The following NELL1 variants were observed in gnomAD, a reference collection of about 807,000 sequenced individuals.
The protein encoded by NELL1 is neural EGFL like 1, also known as protein kinase C-binding protein NELL1.
A neutral mutation model predicts 107.4 loss-of-function variants in NELL1; 76 were observed. That is an observed-to-expected ratio of 0.71 (90% CI 0.59 to 0.86). The LOEUF (loss-of-function observed/expected upper bound fraction) is 0.86. Among genes scored for constraint, NELL1 ranks in the 40% least tolerant of loss-of-function variants. The probability of loss-of-function intolerance (pLI) is 0.00; values close to 1 mark genes in which losing one functional copy is unlikely to be tolerated. For missense variants in NELL1, 1,024 were observed against 1,005.5 expected (o/e 1.02, Z -0.25); for synonymous variants, 353 against 341.2 (o/e 1.03, Z -0.38).
chr11:20,875,226 A>G (rs1370786103), intron 4 of NELL1, among the ~76,000 whole-genome samples: 5 of 151,962 alleles, frequency 3.3e-5, no homozygotes, highest in African/African-American at 1.2e-4. Context: ...TAGATCTCAC[A>G]TTCTGTTTTT....
chr11:21,510,646 G>T (rs935914848), intron 15 of NELL1, among the ~76,000 whole-genome samples: 1 of 152,228 alleles, frequency 6.6e-6, no homozygotes, highest in East Asian at 1.9e-4. Flanking sequence ...GCATGAAAAG[G>T]TATACCTGTG....
chr11:21,487,184 G>A lies in NELL1; in HGVS notation c.1646-47190G>A, dbSNP rs1030568094. Among the ~76,000 whole-genome samples, 6 of 152,202 alleles carry A rather than the reference G, an allele frequency of 3.9e-5. No homozygotes were observed. In the East Asian group the frequency reaches 1.2e-3, roughly 29 times the overall value. ...ACACATTATAGTCAAACTGTCTAAAGCCAAAGAAAAAGAGAGTTCTAAAAA... is the reference window on the plus strand; with the variant it reads ...ACACATTATAGTCAAACTGTCTAAAACCAAAGAAAAAGAGAGTTCTAAAAA... On this transcript the variant is annotated intron_variant, in intron 15 of 19. Coordinates refer to ENST00000357134, the MANE Select transcript of NELL1 (RefSeq NM_006157.5).
At chr11:20,980,120 C>T (rs966393983) in intron 12 of NELL1, among the ~76,000 whole-genome samples, 37 of 152,148 alleles carry the variant, frequency 2.4e-4, no homozygotes, top group African/African-American at 8.9e-4. Flanking sequence ...GACTTTCCTT[C>T]CTCTTTTCCT....
chr11:21,319,072 C>T (rs1488052302), intron 14 of NELL1, among the ~76,000 whole-genome samples: 1 of 151,880 alleles, frequency 6.6e-6, no homozygotes, highest in Non-Finnish European at 1.5e-5. Flanking sequence ...TATGATTCCT[C>T]AAATTAGAAT....
chr11:20,926,474 A>C (rs1200945046), intron 7 of NELL1, among the ~76,000 whole-genome samples: 1 of 152,172 alleles, frequency 6.6e-6, no homozygotes, highest in African/African-American at 2.4e-5. Context: ...CACAGCCAAA[A>C]CCATGAAAAA....
intron 15 of NELL1, among the ~76,000 whole-genome samples, chr11:21,450,458 G>A (rs761939017): frequency 3.9e-5 from 6 of 152,172 alleles, no homozygotes; most frequent in Non-Finnish European, 7.4e-5. Context: ...AGCTAGAGTT[G>A]TGATTTATGC....
chr11:20,672,221 T>C (rs79130134), intron 1 of NELL1, among the ~76,000 whole-genome samples: 8,873 of 152,260 alleles, frequency 0.058, 358 homozygotes, highest in South Asian at 0.097. Flanking sequence ...ACATCATCCA[T>C]CCACCCTCTT....
chr11:21,532,638 T>C (rs929442005), intron 15 of NELL1, among the ~76,000 whole-genome samples: 3 of 152,270 alleles, frequency 2.0e-5, no homozygotes, highest in Admixed American at 2.0e-4. Flanking sequence ...CAACAGGGTC[T>C]GTGTTAATCA....
chr11:21,483,886 T>C (rs536377192), intron 15 of NELL1, among the ~76,000 whole-genome samples: 81 of 140,370 alleles, frequency 5.8e-4, no homozygotes, highest in East Asian at 3.9e-3. Flanking sequence ...CACACACACA[T>C]ATATATATAT....
At chr11:20,892,317 T>C (rs779414619) in intron 5 of NELL1, among the ~76,000 whole-genome samples, 1 of 151,940 alleles carries the variant, frequency 6.6e-6, no homozygotes, top group Non-Finnish European at 1.5e-5. Flanking sequence ...TTGAAACCAA[T>C]GAGAACAAAG....
At chr11:20,755,865 GTTTTTTTTTTT>G (rs574606148) in intron 2 of NELL1, among the ~76,000 whole-genome samples, 3,847 of 121,984 alleles carry the variant, frequency 0.032, 165 homozygotes, top group African/African-American at 0.07. Flanking sequence ...CAGACCTGCG[GTTTTTTTTTTT>G]TTTTTTTTTT....
intron 3 of NELL1, among the ~76,000 whole-genome samples, chr11:20,817,283 C>T (rs1284865666): frequency 6.6e-6 from 1 of 151,662 alleles, no homozygotes. Flanking sequence ...CTTTTTTTTG[C>T]TTGGTAATTT....
At chr11:20,852,513 G>A (rs560476903) in intron 4 of NELL1, among the ~76,000 whole-genome samples, 10 of 152,246 alleles carry the variant, frequency 6.6e-5, no homozygotes, top group South Asian at 4.1e-4. Context: ...TCTAGAGAGC[G>A]CCACAACTAC....
At chr11:21,233,099 T>C (rs1239261140) in intron 14 of NELL1, among the ~76,000 whole-genome samples, 2 of 152,210 alleles carry the variant, frequency 1.3e-5, no homozygotes, top group Admixed American at 1.3e-4. Context: ...TCTGAAACAA[T>C]ACTAATTGGT....
intron 14 of NELL1, among the ~76,000 whole-genome samples, chr11:21,327,636 T>C (rs1004684326): frequency 6.6e-6 from 1 of 152,188 alleles, no homozygotes; most frequent in Non-Finnish European, 1.5e-5. Context: ...GAAGTGACTT[T>C]GGAACTGGGT....
chr11:20,697,895 G>A (rs1002395559), intron 2 of NELL1, among the ~76,000 whole-genome samples: 2 of 152,150 alleles, frequency 1.3e-5, no homozygotes, highest in Non-Finnish European at 2.9e-5. Context: ...CCGTGCTTGA[G>A]GTTTGAGCTA....
At chr11:21,355,986 T>C (rs1214518462) in intron 14 of NELL1, among the ~76,000 whole-genome samples, 2 of 152,092 alleles carry the variant, frequency 1.3e-5, no homozygotes, top group Admixed American at 1.3e-4. Flanking sequence ...TGGCTCACTC[T>C]TTTCCCCTTT....
chr11:21,351,413 C>T (rs761687065), intron 14 of NELL1, among the ~76,000 whole-genome samples: 1 of 151,222 alleles, frequency 6.6e-6, no homozygotes, highest in East Asian at 1.9e-4. Flanking sequence ...GTTCAGGGAA[C>T]ATTTCAGCTG....
At chr11:21,467,059 T>C (rs1027990240) in intron 15 of NELL1, among the ~76,000 whole-genome samples, 1 of 152,070 alleles carries the variant, frequency 6.6e-6, no homozygotes, top group African/African-American at 2.4e-5. Flanking sequence ...ACTGGGATAA[T>C]TGAAGGAAGA....
Sources: gnomAD v4.1 joint callset for allele counts (sites outside exome capture counted in the v4.1 genomes callset) on GRCh38, gnomAD v4.1.1 for gene constraint, MANE v1.5 for transcripts, NCBI Gene and HGNC (gene_info 2026-07-23, HGNC 2026-07-21) for gene names.